The following ATP9A variants were observed in gnomAD, a reference collection of about 807,000 sequenced individuals.
ATP9A encodes the protein ATPase phospholipid transporting 9A.
ATP9A carries 52 observed loss-of-function variants against 144.1 expected under a neutral mutation model. The observed-to-expected ratio is 0.36, with a 90% CI of 0.29 to 0.45. The LOEUF is 0.45. Ranked by LOEUF, ATP9A falls within the 20% of genes least tolerant of loss-of-function variation. The probability of loss-of-function intolerance (pLI) is 1.00; values close to 1 mark genes in which losing one functional copy is unlikely to be tolerated. For synonymous variants in ATP9A, 582 were observed against 557.4 expected (o/e 1.04, Z -0.62); for missense variants, 947 against 1,392.7 (o/e 0.68, Z 5.09).
intron 8 of ATP9A, 29 bp from the exon 9 acceptor site, chr20:51,689,168 A>AC (rs758560975): frequency 1.2e-6 from 2 of 1,608,860 alleles, no homozygotes; most frequent in Non-Finnish European, 8.5e-7. Context: ...ACACACGTTC[A>AC]CCCCCCAAAG....
chr20:51,647,840 A>C (rs2077348099), intron 14 of ATP9A, among the ~76,000 whole-genome samples: 1 of 152,232 alleles, frequency 6.6e-6, no homozygotes, highest in Admixed American at 6.5e-5. Flanking sequence ...GGATAAGCTA[A>C]CACCAAGGGA....
intron 1 of ATP9A, among the ~76,000 whole-genome samples, chr20:51,755,633 C>T (rs752880109): frequency 1.3e-5 from 2 of 151,848 alleles, no homozygotes; most frequent in Non-Finnish European, 2.9e-5. Context: ...TAGGGCCCAG[C>T]AAAGCCACAT....
intron 1 of ATP9A, among the ~76,000 whole-genome samples, chr20:51,749,743 G>C (rs1300792467): frequency 6.6e-6 from 1 of 152,092 alleles, no homozygotes; most frequent in South Asian, 2.1e-4. Flanking sequence ...AAGGGTACAG[G>C]GTAGCTGACT....
chr20:51,679,345 A>C (rs2122799604), intron 9 of ATP9A, among the ~76,000 whole-genome samples: 1 of 152,278 alleles, frequency 6.6e-6, no homozygotes, highest in Admixed American at 6.5e-5. Flanking sequence ...TTCTAAAAAA[A>C]GAGATCTCTG....
At chr20:51,695,308 C>G (rs1285368154) in intron 6 of ATP9A, among the ~76,000 whole-genome samples, 2 of 151,796 alleles carry the variant, frequency 1.3e-5, no homozygotes, top group Non-Finnish European at 2.9e-5. Flanking sequence ...CACGGTGAAA[C>G]CCCGTCTCTA....
At chr20:51,708,400 C>T (rs1036771656) in intron 4 of ATP9A, among the ~76,000 whole-genome samples, 2 of 152,082 alleles carry the variant, frequency 1.3e-5, no homozygotes, top group Admixed American at 1.3e-4. Flanking sequence ...ATTTTTCCTC[C>T]CAATAATGAG....
intron 14 of ATP9A, among the ~76,000 whole-genome samples, chr20:51,640,000 C>T (rs1308156012): frequency 6.6e-6 from 1 of 152,076 alleles, no homozygotes; most frequent in Non-Finnish European, 1.5e-5. Context: ...GCAGGAGAAT[C>T]GCTTGAACCC....
chr20:51,658,798 G>C lies in ATP9A; in HGVS notation c.1294-1648C>G, dbSNP rs893240761. 2.0e-5 allele frequency among the ~76,000 whole-genome samples: 3 copies of C among 148,640 alleles called. No individual in the cohort carries two copies. The Admixed American group carries it at 2.1e-4, about 10-fold the overall frequency. ...GCCTCCCAAAGTGCCGGGATTACAGGTGTGAGCCACCGTGCCCGACCCCCA... is the reference window on the plus strand; with the variant it reads ...GCCTCCCAAAGTGCCGGGATTACAGCTGTGAGCCACCGTGCCCGACCCCCA... On this transcript the variant is annotated intron_variant, in intron 13 of 27. Transcript: ENST00000338821.
intron 9 of ATP9A, among the ~76,000 whole-genome samples, chr20:51,685,579 G>A (rs8182939): frequency 1.5e-5 from 1 of 66,052 alleles, no homozygotes; most frequent in Non-Finnish European, 3.4e-5. Flanking sequence ...AAAAAGAAAA[G>A]AAAAAAGAAA....
rs2077402547 is a variant in ATP9A, at chr20:51,659,495, GA to G, written c.1294-2346del. Among the ~76,000 whole-genome samples the G allele has an allele frequency of 2.0e-5, 3 of 152,254 alleles. No homozygotes were observed. In the South Asian group the frequency reaches 6.2e-4, roughly 32 times the overall value. On this transcript the variant is annotated intron_variant, in intron 13 of 27. Transcript: ENST00000338821. The stretch of plus-strand genomic sequence containing the variant: ...TTCATTTTCAAGAAGTAACAACTAT[GA>G]AATCGACATCAGTTTCAGATTTTAA...
chr20:51,697,782 A>T (rs1020903183), intron 4 of ATP9A, among the ~76,000 whole-genome samples: 11 of 152,342 alleles, frequency 7.2e-5, no homozygotes, highest in African/African-American at 2.6e-4. Flanking sequence ...GGGGGAAAAA[A>T]GTCTTAATTT....
At chr20:51,601,917 G>GA (rs1014196484) in intron 27 of ATP9A, among the ~76,000 whole-genome samples, 10 of 150,906 alleles carry the variant, frequency 6.6e-5, no homozygotes, top group African/African-American at 2.5e-4. Flanking sequence ...AAAAAAAAGA[G>GA]AAAAAAAGAA....
intron 1 of ATP9A, among the ~76,000 whole-genome samples, chr20:51,751,738 C>T (rs2077833010): frequency 6.6e-6 from 1 of 152,156 alleles, no homozygotes; most frequent in Admixed American, 6.5e-5. Flanking sequence ...CAGGCGCCCA[C>T]CACCACGCCC....
rs2077244346 is a variant in ATP9A, at chr20:51,625,448, C to A, written c.1846-86G>T. The A allele has an allele frequency of 1.1e-5, 16 of 1,463,788 alleles. 1 individual carries two copies. Among genetic ancestry groups the A allele is most frequent in the Middle Eastern group, 2.3e-4 (1 of 4,440 alleles). The allele number at this position is 1,463,788 out of a possible 1,614,324, so 90.7% of individuals were successfully genotyped here. A position where few individuals can be genotyped will look rare whatever the true frequency, so the allele number is the denominator to read the frequency against. ...CAGTGCCAAGAGTGGAAGGGCCACA[C>A]CCGATCCCCACCACACGGGGTGGGG... is the stretch of plus-strand genomic sequence containing the variant. On this transcript the variant is annotated intron_variant, in intron 17 of 27. Transcript: ENST00000338821.
intron 1 of ATP9A, among the ~76,000 whole-genome samples, chr20:51,744,184 G>C (rs770381976): frequency 2.0e-5 from 3 of 151,500 alleles, no homozygotes; most frequent in Non-Finnish European, 4.4e-5. Context: ...GTTTGTTTTT[G>C]AGACAGGGTC....
At chr20:51,672,070 G>C (rs556413554) in intron 11 of ATP9A, among the ~76,000 whole-genome samples, 2 of 152,150 alleles carry the variant, frequency 1.3e-5, no homozygotes, top group African/African-American at 4.8e-5. Context: ...AAAGTGCTGG[G>C]ACTACAGACG....
intron 15 of ATP9A, among the ~76,000 whole-genome samples, chr20:51,638,799 T>C (rs2077306339): frequency 6.6e-6 from 1 of 152,068 alleles, no homozygotes; most frequent in Admixed American, 6.5e-5. Context: ...ATTCTTTTAA[T>C]AAGAATTTAA....
intron 1 of ATP9A, among the ~76,000 whole-genome samples, chr20:51,763,296 TA>T (rs369382559): frequency 3.3e-5 from 5 of 151,116 alleles, no homozygotes; most frequent in African/African-American, 1.2e-4. Flanking sequence ...GGTTTTTTTT[TA>T]ATCAATGGTT....
At position 51,639,325 on chromosome 20, in the gene ATP9A, T is replaced by C. The variant is rs1421800958; in HGVS notation, c.1668+18A>G. On this transcript the variant is annotated intron_variant, in intron 15 of 27. Coordinates refer to ENST00000338821, the MANE Select transcript of ATP9A (RefSeq NM_006045.3). ...TGGGGTACTTAAGCACTTTAAGCCA[T>C]GAATAAAAACGACTCACCCGCACGA... 3.1e-6 allele frequency: 5 copies of C among 1,605,398 alleles called. No homozygotes were observed. The highest frequency in any genetic ancestry group is 8.5e-7 in the Non-Finnish European group (1 of 1,175,924).
Sources: gnomAD v4.1 joint callset for allele counts (sites outside exome capture counted in the v4.1 genomes callset) on GRCh38, gnomAD v4.1.1 for gene constraint, MANE v1.5 for transcripts, NCBI Gene and HGNC (gene_info 2026-07-23, HGNC 2026-07-21) for gene names.